Variants in ITGB5 observed in about 807,000 individuals in gnomAD.
ITGB5 encodes the protein integrin subunit beta 5, also known as integrin beta-5.
In ITGB5, 38 loss-of-function variants were observed where a neutral mutation model predicts 84.8. The ratio of observed to expected loss-of-function variants is 0.45; its 90% CI spans 0.35 to 0.59. ITGB5 has a LOEUF of 0.59. Ranked by LOEUF, ITGB5 falls within the 20% of genes least tolerant of loss-of-function variation. ITGB5 has a pLI of 0.01. For missense variants in ITGB5, 905 were observed against 1,034.5 expected (o/e 0.87, Z 1.72); for synonymous variants, 393 against 414.4 (o/e 0.95, Z 0.63).
At chr3:124,859,221 C>A (rs764930183) in intron 3 of ITGB5, 21 bp downstream of exon 3, 11 of 1,609,884 alleles carry the variant, frequency 6.8e-6, no homozygotes, top group South Asian at 5.5e-5. Context: ...GAGCATCCAG[C>A]CCTTTCTGTG....
At chr3:124,847,086 C>A (rs527687974) in intron 4 of ITGB5, among the ~76,000 whole-genome samples, 8 of 152,346 alleles carry the variant, frequency 5.3e-5, no homozygotes, top group Admixed American at 5.2e-4. Flanking sequence ...ACCTTAGAGA[C>A]CTCAACAGAT....
chr3:124,843,287 C>G (rs72974508), intron 4 of ITGB5, among the ~76,000 whole-genome samples: 1 of 152,212 alleles, frequency 6.6e-6, no homozygotes, highest in African/African-American at 2.4e-5. Flanking sequence ...AACTCTCCCC[C>G]TCTCTCTTCC....
At chr3:124,875,244 G>A (rs866282927) in intron 1 of ITGB5, among the ~76,000 whole-genome samples, 1 of 152,096 alleles carries the variant, frequency 6.6e-6, no homozygotes, top group African/African-American at 2.4e-5. Context: ...TTATGAGGCC[G>A]AGGTGGGTGG....
intron 10 of ITGB5, chr3:124,791,878 C>G (rs1337532663): frequency 6.6e-6 from 1 of 152,180 alleles, no homozygotes; most frequent in Non-Finnish European, 1.5e-5. Context: ...GCCAAGGACC[C>G]AGGGACTGGA....
chr3:124,834,628 AG>A (rs1484808850), intron 5 of ITGB5, among the ~76,000 whole-genome samples: 1 of 56,500 alleles, frequency 1.8e-5, no homozygotes, highest in Non-Finnish European at 3.2e-5. Flanking sequence ...ATGGGGAGGG[AG>A]GGAGGGAGGG....
At chr3:124,898,670 A>AAAG (rs1935159604) in intron 1 of ITGB5, among the ~76,000 whole-genome samples, 4 of 146,256 alleles carry the variant, frequency 2.7e-5, no homozygotes, top group Admixed American at 6.9e-5. Context: ...AAAAAAAAAA[A>AAAG]GAAAATGACA....
At chr3:124,766,680 A>C (rs1252993289) in intron 12 of ITGB5, among the ~76,000 whole-genome samples, 1 of 152,218 alleles carries the variant, frequency 6.6e-6, no homozygotes, top group Non-Finnish European at 1.5e-5. Flanking sequence ...CGGAAATTAA[A>C]GGGATAAAGA....
chr3:124,782,845 G>A (rs2064023993), intron 10 of ITGB5, among the ~76,000 whole-genome samples: 1 of 151,574 alleles, frequency 6.6e-6, no homozygotes, highest in East Asian at 1.9e-4. Context: ...TGGGCGACAA[G>A]AGTGAAACTC....
At chr3:124,819,440 T>A (rs2064662904) in intron 7 of ITGB5, among the ~76,000 whole-genome samples, 1 of 152,208 alleles carries the variant, frequency 6.6e-6, no homozygotes, top group African/African-American at 2.4e-5. Flanking sequence ...CATTTTATAT[T>A]TTCCTTCTCT....
At position 124,793,713 on chromosome 3, in the gene ITGB5, T is replaced by G. The variant is rs988254313; in HGVS notation, c.1693+2675A>C. On this transcript the variant is annotated intron_variant, in intron 10 of 14. Coordinates refer to ENST00000296181, the MANE Select transcript of ITGB5 (RefSeq NM_002213.5). ...GCCTCCTGCTATGGAGCCCAAACTT[T>G]TTCTACTAACCAGACAGAACCATCT... Among the ~76,000 whole-genome samples, 16 of 152,252 alleles carry G rather than the reference T, an allele frequency of 1.1e-4. No individual in the cohort carries two copies. The South Asian group carries it at 3.3e-3, about 32-fold the overall frequency.
At chr3:124,859,160 T>C (rs1273147820) in intron 3 of ITGB5, 82 bp downstream of exon 3, 23 of 1,334,808 alleles carry the variant, frequency 1.7e-5, no homozygotes, top group African/African-American at 1.4e-5. Flanking sequence ...GCCTGACTCA[T>C]TGTCCCATTA....
intron 13 of ITGB5, among the ~76,000 whole-genome samples, chr3:124,764,806 T>TC (rs2063744116): frequency 6.6e-6 from 1 of 152,204 alleles, no homozygotes; most frequent in South Asian, 2.1e-4. Flanking sequence ...GGGCTGCCTT[T>TC]CCCCTCATGG....
chr3:124,810,609 G>GAAT (rs63222260), intron 8 of ITGB5, among the ~76,000 whole-genome samples: 56 of 145,828 alleles, frequency 3.8e-4, no homozygotes, highest in Middle Eastern at 3.5e-3. Flanking sequence ...AAAAAATTAA[G>GAAT]AATAATAATA....
rs545859102 is a variant in ITGB5, at chr3:124,799,809, C to T, written c.1264-2992G>A. 9.2e-5 allele frequency among the ~76,000 whole-genome samples: 14 copies of T among 152,186 alleles called. No homozygotes were observed. The East Asian group carries it at 1.9e-3, about 21-fold the overall frequency. On this transcript the variant is annotated intron_variant, in intron 9 of 14. Transcript: ENST00000296181. ...CTCCTTAGCATATCCACCTCCTAGA[C>T]GGGGGAATGAGGTCTACCTCATCGG... is the stretch of plus-strand genomic sequence containing the variant.
intron 9 of ITGB5, among the ~76,000 whole-genome samples, chr3:124,808,172 G>A (rs1470420234): frequency 6.6e-6 from 1 of 152,114 alleles, no homozygotes; most frequent in African/African-American, 2.4e-5. Context: ...GCCGTCATGA[G>A]TGCTATGAAT....
At chr3:124,866,848 G>A (rs1396073962) in intron 2 of ITGB5, among the ~76,000 whole-genome samples, 1 of 152,134 alleles carries the variant, frequency 6.6e-6, no homozygotes, top group Non-Finnish European at 1.5e-5. Flanking sequence ...CCTGCCTGGG[G>A]GATGGAGAAA....
upstream of ITGB5, among the ~76,000 whole-genome samples, chr3:124,890,351 G>T (rs955318081): frequency 4.0e-5 from 6 of 151,786 alleles, no homozygotes; most frequent in Non-Finnish European, 8.8e-5. Flanking sequence ...CTACAGGCGT[G>T]TGCCACCACA....
rs2064670817 is a variant in ITGB5, at chr3:124,819,790, G to T, written c.987C>A (p.Asn329Lys). Residue 329 changes from asparagine (N) to lysine (K), a missense_variant, in exon 7 of 15, where the codon AAC becomes AAA. Transcript: ENST00000296181. ...TCACTGCAAAGATGAGGTTGATGTT[G>T]TTCTCTGCCAATTTCTCTCCAAGCA... ...LALLGEKLAE[N>K]NINLIFAVTK... is the part of the protein sequence containing the mutation. The T allele has an allele frequency of 6.2e-7, 1 of 1,614,032 alleles. No individual in the cohort carries two copies. Among genetic ancestry groups the T allele is most frequent in the Non-Finnish European group, 8.5e-7 (1 of 1,179,934 alleles).
intron 9 of ITGB5, among the ~76,000 whole-genome samples, chr3:124,799,883 T>C (rs559993364): frequency 6.6e-6 from 1 of 152,310 alleles, no homozygotes; most frequent in South Asian, 2.1e-4. Context: ...CCCTTGATGG[T>C]GATCCCCAAA....
Sources: gnomAD v4.1 joint callset for allele counts (sites outside exome capture counted in the v4.1 genomes callset) on GRCh38, gnomAD v4.1.1 for gene constraint, MANE v1.5 for transcripts, NCBI Gene and HGNC (gene_info 2026-07-23, HGNC 2026-07-21) for gene names.